Variants in SCAF8 observed in about 807,000 individuals in gnomAD.
SCAF8 encodes SR-related CTD associated factor 8, also known as SR-related and CTD-associated factor 8.
Under a neutral mutation model 140.5 loss-of-function variants are expected in SCAF8, and 23 were observed. The observed-to-expected ratio is 0.16, with a 90% CI of 0.12 to 0.23. The LOEUF is 0.23. Among genes scored for constraint, SCAF8 ranks in the 10% least tolerant of loss-of-function variants. The pLI is 1.00. For synonymous variants in SCAF8, 575 were observed against 528.9 expected (o/e 1.09, Z -1.20); for missense variants, 1,397 against 1,555.7 (o/e 0.90, Z 1.72).
chr6:154,786,892 CT>C (rs1029941796), intron 3 of SCAF8, among the ~76,000 whole-genome samples: 1 of 152,176 alleles, frequency 6.6e-6, no homozygotes. Flanking sequence ...TACTAAAGAA[CT>C]TTTTTTGCCA....
intron 17 of SCAF8, chr6:154,824,937 T>C (rs1026300915): frequency 4.0e-5 from 6 of 151,374 alleles, no homozygotes; most frequent in African/African-American, 1.5e-4. Context: ...GAGCAATTAC[T>C]TTGTCTCAAA....
rs193205728 is a variant in SCAF8, at chr6:154,748,789, G to T, written c.30+14859G>T. Among the ~76,000 whole-genome samples the T allele has an allele frequency of 5.9e-5, 9 of 152,260 alleles. No homozygotes were observed. The East Asian group carries it at 1.7e-3, about 29-fold the overall frequency. On this transcript the variant is annotated intron_variant, in intron 1 of 19. Coordinates refer to ENST00000367178, the MANE Select transcript of SCAF8 (RefSeq NM_014892.5). Reference sequence around the variant, plus strand: ...AGCTGAAGAGTAGTAAAATCCTAAAGGAGTTGTTTAGAGGCTGCAGCATCA... The same window carrying T: ...AGCTGAAGAGTAGTAAAATCCTAAATGAGTTGTTTAGAGGCTGCAGCATCA...
At chr6:154,814,969 C>T (rs1778203672) in intron 12 of SCAF8, among the ~76,000 whole-genome samples, 1 of 152,136 alleles carries the variant, frequency 6.6e-6, no homozygotes, top group Admixed American at 6.5e-5. Context: ...TAGGGAGACA[C>T]ATTCACTTAA....
At chr6:154,782,856 A>T (rs1239119590) in intron 3 of SCAF8, among the ~76,000 whole-genome samples, 1 of 152,134 alleles carries the variant, frequency 6.6e-6, no homozygotes, top group Non-Finnish European at 1.5e-5. Context: ...AGCTGATTAG[A>T]TGGTGCCCAC....
chr6:154,756,748 T>G (rs753073266), intron 1 of SCAF8, among the ~76,000 whole-genome samples: 3 of 152,150 alleles, frequency 2.0e-5, no homozygotes, highest in Non-Finnish European at 4.4e-5. Context: ...TTCTTTAAGC[T>G]GGGCGCGGTG....
At chr6:154,815,646 C>T (rs1778228222) in intron 12 of SCAF8, 70 bp from the exon 13 acceptor site, 2 of 749,172 alleles carry the variant, frequency 2.7e-6, no homozygotes, top group Non-Finnish European at 4.5e-6. Flanking sequence ...ACTGCTTTTT[C>T]CTCAATTACT....
At chr6:154,783,135 C>T (rs1777132863) in intron 3 of SCAF8, among the ~76,000 whole-genome samples, 1 of 152,164 alleles carries the variant, frequency 6.6e-6, no homozygotes, top group Non-Finnish European at 1.5e-5. Flanking sequence ...TAGCTCTGTT[C>T]TCATTTGCTG....
At chr6:154,786,615 G>C (rs1485397035) in intron 3 of SCAF8, among the ~76,000 whole-genome samples, 1 of 152,226 alleles carries the variant, frequency 6.6e-6, no homozygotes, top group East Asian at 1.9e-4. Flanking sequence ...CCAGGCCCAG[G>C]AATGACAAGG....
intron 3 of SCAF8, among the ~76,000 whole-genome samples, chr6:154,786,231 C>T (rs1026235391): frequency 3.3e-5 from 5 of 152,152 alleles, no homozygotes; most frequent in Admixed American, 2.0e-4. Flanking sequence ...GAGATGGAAT[C>T]ATAGGGAGGT....
chr6:154,781,372 C>T (rs901330699), intron 3 of SCAF8, among the ~76,000 whole-genome samples: 2 of 152,164 alleles, frequency 1.3e-5, no homozygotes, highest in African/African-American at 4.8e-5. Flanking sequence ...ATTCTATCCT[C>T]ATGGATAGGA....
chr6:154,823,006 G>A (rs1778464545), intron 16 of SCAF8, among the ~76,000 whole-genome samples: 2 of 152,306 alleles, frequency 1.3e-5, no homozygotes, highest in Non-Finnish European at 2.9e-5. Context: ...ACCTAATTGA[G>A]AATGAGAAAT....
At chr6:154,756,306 G>A (rs984705275) in intron 1 of SCAF8, among the ~76,000 whole-genome samples, 1 of 152,102 alleles carries the variant, frequency 6.6e-6, no homozygotes, top group Non-Finnish European at 1.5e-5. Context: ...TTACATTTTA[G>A]AGATCTTCAA....
At chr6:154,805,304 C>G (rs773525776) in intron 8 of SCAF8, 65 bp from the exon 9 acceptor site, 6 of 898,664 alleles carry the variant, frequency 6.7e-6, no homozygotes, top group Non-Finnish European at 1.1e-5. Flanking sequence ...TCTTTGAATA[C>G]TCAGTTATTT....
At chr6:154,829,137 A>G (rs1562467520) in intron 18 of SCAF8, among the ~76,000 whole-genome samples, 1 of 152,200 alleles carries the variant, frequency 6.6e-6, no homozygotes, top group African/African-American at 2.4e-5. Flanking sequence ...CCTGAACATA[A>G]AAGTTTAATA....
rs1009404064 is a variant in SCAF8 at position 154,790,412 on chromosome 6, T to C, written c.321+2390T>C. Among the ~76,000 whole-genome samples the C allele has an allele frequency of 2.6e-5, 4 of 151,674 alleles. No individual in the cohort carries two copies. The East Asian group carries it at 7.7e-4, about 29-fold the overall frequency. The stretch of plus-strand genomic sequence containing the variant: ...TTAAAAATATGTCAGTGTAATATTA[T>C]GAGGGATTTAAAGTTGAACCAGATC... On this transcript the variant is annotated intron_variant, in intron 4 of 19. Transcript: ENST00000367178.
At chr6:154,818,146 T>TA (rs1375358299) in intron 13 of SCAF8, among the ~76,000 whole-genome samples, 1 of 152,252 alleles carries the variant, frequency 6.6e-6, no homozygotes, top group African/African-American at 2.4e-5. Flanking sequence ...CTGGTGGTAT[T>TA]ATGTATACGA....
chr6:154,749,910 A>G (rs980377702), intron 1 of SCAF8, among the ~76,000 whole-genome samples: 7 of 152,126 alleles, frequency 4.6e-5, no homozygotes, highest in Non-Finnish European at 1.0e-4. Context: ...TCTAGAGAGG[A>G]TGAGGGGCTC....
intron 16 of SCAF8, 32 bp downstream of exon 16, chr6:154,822,441 G>A (rs1458707147): frequency 1.3e-6 from 2 of 1,562,018 alleles, no homozygotes; most frequent in African/African-American, 1.4e-5. Flanking sequence ...TTTTTTTCTT[G>A]TGTTGTTTTA....
chr6:154,733,402 G>C, upstream of SCAF8: 1 of 1,385,294 alleles, frequency 7.2e-7, no homozygotes, highest in Non-Finnish European at 9.4e-7. Context: ...TGCGCGGCCC[G>C]ACTCGAGTCC....
Sources: allele counts gnomAD v4.1 joint callset (sites outside exome capture counted in the v4.1 genomes callset), GRCh38; gene constraint gnomAD v4.1.1; transcripts MANE v1.5; gene names NCBI Gene and HGNC (gene_info 2026-07-23, HGNC 2026-07-21).